The following RAC1 variants were observed in gnomAD, a reference collection of about 807,000 sequenced individuals.
RAC1 encodes the protein Rac family small GTPase 1, also known as ras-related C3 botulinum toxin substrate 1.
RAC1 carries 2 observed loss-of-function variants against 25.2 expected under a neutral mutation model. The ratio of observed to expected loss-of-function variants is 0.08; its 90% confidence interval spans 0.03 to 0.25. The LOEUF (loss-of-function observed/expected upper bound fraction) is 0.25, where lower values mean the gene tolerates loss of function less well. RAC1 is among the 10% of genes least tolerant of loss of function. The probability of loss-of-function intolerance (pLI) is 1.00; values close to 1 mark genes in which losing one functional copy is unlikely to be tolerated. For synonymous variants in RAC1, 88 were observed against 94.0 expected (o/e 0.94, Z 0.37); for missense variants, 50 against 235.7 (o/e 0.21, Z 5.16).
chr7:6,387,712 C>T (rs1782961153), intron 2 of RAC1, among the ~76,000 whole-genome samples: 1 of 149,646 alleles, frequency 6.7e-6, no homozygotes, highest in Non-Finnish European at 1.5e-5. Flanking sequence ...GCAATGAGAG[C>T]GAAACTCCAT....
intron 2 of RAC1, among the ~76,000 whole-genome samples, chr7:6,388,428 G>A (rs971624416): frequency 4.8e-5 from 7 of 146,452 alleles, no homozygotes; most frequent in Non-Finnish European, 9.0e-5. Flanking sequence ...TCACTGCAGC[G>A]TCTGCCTCCT....
chr7:6,381,205 T>C (rs1285999378), intron 1 of RAC1, among the ~76,000 whole-genome samples: 1 of 152,172 alleles, frequency 6.6e-6, no homozygotes, highest in Non-Finnish European at 1.5e-5. Context: ...TGCAGTTACA[T>C]ATAAATTCTT....
intron 3 of RAC1, among the ~76,000 whole-genome samples, chr7:6,395,874 G>A (rs1276451117): frequency 6.6e-6 from 1 of 152,208 alleles, no homozygotes; most frequent in Non-Finnish European, 1.5e-5. Flanking sequence ...AGAATAAAAC[G>A]AAGTAGAAAC....
intron 2 of RAC1, among the ~76,000 whole-genome samples, chr7:6,390,673 C>G (rs1333041111): frequency 6.6e-6 from 1 of 151,642 alleles, no homozygotes; most frequent in Non-Finnish European, 1.5e-5. Context: ...AAGGCCTTTC[C>G]TACTTAAATA....
In RAC1 at chr7:6,401,853, C is replaced by T. The variant is rs2115217242; in HGVS notation, c.289-15C>T. The stretch of plus-strand genomic sequence containing the variant: ...AAGGAGCGTGTCACAACCTCTGTTC[C>T]TTCTTCACATCTAGTGGTATCCTGA... On this transcript the variant is annotated splice_polypyrimidine_tract_variant and intron_variant, in intron 4 of 5. Coordinates refer to ENST00000348035, the MANE Select transcript of RAC1 (RefSeq NM_006908.5). The T allele has an allele frequency of 6.2e-7, 1 of 1,608,112 alleles. No individual in the cohort carries two copies. The highest frequency in any genetic ancestry group is 1.1e-5 in the South Asian group (1 of 90,410).
chr7:6,386,877 C>T (rs1232891095), intron 1 of RAC1, among the ~76,000 whole-genome samples: 1 of 151,754 alleles, frequency 6.6e-6, no homozygotes, highest in Non-Finnish European at 1.5e-5. Context: ...TACAGATGTT[C>T]ACAGAAGAGA....
chr7:6,400,337 T>C, intron 4 of RAC1, 149 bp downstream of exon 4: 1 of 733,988 alleles, frequency 1.4e-6, no homozygotes, highest in Non-Finnish European at 2.2e-6. Context: ...GTTTTTTTTT[T>C]TCTTTTGAGA....
chr7:6,388,382 C>G, intron 2 of RAC1, among the ~76,000 whole-genome samples: 1 of 134,040 alleles, frequency 7.5e-6, no homozygotes, highest in African/African-American at 2.7e-5. Flanking sequence ...GTCTCTCTCT[C>G]TTGCCCAGGA....
chr7:6,388,437 C>T (rs2115194996), intron 2 of RAC1, among the ~76,000 whole-genome samples: 1 of 151,002 alleles, frequency 6.6e-6, no homozygotes, highest in East Asian at 2.0e-4. Context: ...CGTCTGCCTC[C>T]TGGGTTCAAG....
intron 1 of RAC1, among the ~76,000 whole-genome samples, chr7:6,375,355 C>T (rs372960058): frequency 5.3e-5 from 8 of 152,010 alleles, no homozygotes; most frequent in African/African-American, 1.9e-4. Flanking sequence ...CTCCAAAATG[C>T]TGGGATTACA....
chr7:6,381,053 G>A (rs1782749430), intron 1 of RAC1, among the ~76,000 whole-genome samples: 1 of 151,978 alleles, frequency 6.6e-6, no homozygotes, highest in African/African-American at 2.4e-5. Flanking sequence ...ATTCTTAGTT[G>A]AGACAGGTTT....
intron 2 of RAC1, chr7:6,391,688 C>T: frequency 1.9e-6 from 1 of 524,502 alleles, no homozygotes; most frequent in South Asian, 3.1e-5. Context: ...ATTTGTTTCA[C>T]TTAAATAGCT....
intron 1 of RAC1, among the ~76,000 whole-genome samples, chr7:6,385,295 T>C (rs1314847260): frequency 6.6e-6 from 1 of 152,252 alleles, no homozygotes; most frequent in Non-Finnish European, 1.5e-5. Context: ...AGTGTGCTTC[T>C]GGTGTAGCAC....
At position 6,391,945 on chromosome 7, in the gene RAC1, T is replaced by C. The variant is rs964265383; in HGVS notation, c.129T>C (p.Asn43=). 1 of 1,614,066 alleles carries C rather than the reference T, an allele frequency of 6.2e-7. No homozygotes were observed. The highest frequency in any genetic ancestry group is 8.5e-7 in the Non-Finnish European group (1 of 1,179,940). ...IPTVFDNYSA[N]VMVDGKPVNL... ...ACAGCTTTGACAATTATTCTGCCAA[T>C]GTTATGGTAGATGGAAAACCGGTGA... The change falls in exon 3 of 6, where the codon AAT becomes AAC. Residue 43 remains asparagine (N), a synonymous_variant. Transcript: ENST00000348035.
At chr7:6,375,551 A>G (rs575598127) in intron 1 of RAC1, among the ~76,000 whole-genome samples, 1 of 151,952 alleles carries the variant, frequency 6.6e-6, no homozygotes, top group South Asian at 2.1e-4. Flanking sequence ...TTTGACTTAC[A>G]CTTCTGCCAC....
At chr7:6,400,105 C>A in intron 3 of RAC1, 21 bp from the exon 4 acceptor site, 2 of 1,597,086 alleles carry the variant, frequency 1.3e-6, no homozygotes, top group Non-Finnish European at 1.7e-6. Context: ...CTAAATGTTT[C>A]CCTGTGTTTC....
chr7:6,392,672 A>G (rs560892609), intron 3 of RAC1, among the ~76,000 whole-genome samples: 47 of 152,162 alleles, frequency 3.1e-4, no homozygotes, highest in Non-Finnish European at 6.0e-4. Flanking sequence ...CTTAGAAGAC[A>G]TTGTTGTCAT....
chr7:6,383,694 G>A (rs1782835676), intron 1 of RAC1, among the ~76,000 whole-genome samples: 1 of 144,696 alleles, frequency 6.9e-6, no homozygotes, highest in African/African-American at 2.5e-5. Flanking sequence ...AAGTGATAAT[G>A]ACATTTTATC....
At chr7:6,402,126 C>T (rs886845542) in intron 5 of RAC1, 99 bp downstream of exon 5, 83 of 1,467,258 alleles carry the variant, frequency 5.7e-5, no homozygotes, top group Non-Finnish European at 6.6e-5. Context: ...GTCTCCCACT[C>T]AGGGCCTGGT....
Sources: allele counts gnomAD v4.1 joint callset (sites outside exome capture counted in the v4.1 genomes callset), GRCh38; gene constraint gnomAD v4.1.1; transcripts MANE v1.5; gene names NCBI Gene and HGNC (gene_info 2026-07-23, HGNC 2026-07-21).